Variants in TCF20 observed in about 807,000 individuals in gnomAD.
TCF20 encodes SPRE-binding protein.
Under a neutral mutation model 148.6 loss-of-function variants are expected in TCF20, and 3 were observed. The observed-to-expected ratio is 0.02, with a 90% CI of 0.01 to 0.05. The LOEUF (loss-of-function observed/expected upper bound fraction) is 0.05. Ranked by LOEUF, TCF20 falls within the 10% of genes least tolerant of loss-of-function variation. TCF20 has a pLI of 1.00. For missense variants in TCF20, 2,350 were observed against 2,429.3 expected (o/e 0.97, Z 0.69); for synonymous variants, 1,049 against 909.5 (o/e 1.15, Z -2.76).
intron 1 of TCF20, among the ~76,000 whole-genome samples, chr22:42,320,462 C>A (rs73433564): frequency 6.6e-6 from 1 of 152,164 alleles, no homozygotes; most frequent in African/African-American, 2.4e-5. Context: ...CTCAATGTGC[C>A]CTTCCTCCAC....
intron 3 of TCF20, among the ~76,000 whole-genome samples, chr22:42,173,821 T>A (rs1295439238): frequency 6.6e-6 from 1 of 152,084 alleles, no homozygotes; most frequent in Non-Finnish European, 1.5e-5. Context: ...AGGAGCAAAG[T>A]GCACAGCAGC....
At chr22:42,300,638 G>A (rs1185121408) in intron 1 of TCF20, among the ~76,000 whole-genome samples, 1 of 152,146 alleles carries the variant, frequency 6.6e-6, no homozygotes, top group Non-Finnish European at 1.5e-5. Flanking sequence ...CAGCCCAAGG[G>A]GCAGGGCTGT....
chr22:42,262,311 G>C (rs1255328053), intron 1 of TCF20, among the ~76,000 whole-genome samples: 1 of 152,164 alleles, frequency 6.6e-6, no homozygotes, highest in African/African-American at 2.4e-5. Flanking sequence ...ACAGATGAAA[G>C]AAGTTATCAT....
intron 2 of TCF20, among the ~76,000 whole-genome samples, chr22:42,191,741 C>T (rs957829309): frequency 6.6e-6 from 1 of 152,120 alleles, no homozygotes; most frequent in African/African-American, 2.4e-5. Flanking sequence ...GGAGCTTGTG[C>T]CCTTTAAGAA....
At chr22:42,265,340 G>A (rs1926228075) in intron 1 of TCF20, among the ~76,000 whole-genome samples, 1 of 152,084 alleles carries the variant, frequency 6.6e-6, no homozygotes, top group Non-Finnish European at 1.5e-5. Context: ...ACAGGATCTT[G>A]CTCTGTCTCC....
At chr22:42,186,002 G>GA (rs1937027559) in intron 2 of TCF20, among the ~76,000 whole-genome samples, 1 of 152,308 alleles carries the variant, frequency 6.6e-6, no homozygotes, top group Non-Finnish European at 1.5e-5. Context: ...CATGGATTTA[G>GA]AATCTGCACT....
At chr22:42,231,346 C>T (rs548851472) in intron 1 of TCF20, among the ~76,000 whole-genome samples, 2 of 151,938 alleles carry the variant, frequency 1.3e-5, no homozygotes, top group African/African-American at 2.4e-5. Context: ...TAGCCAAGCA[C>T]GGTGGTATGC....
intron 1 of TCF20, among the ~76,000 whole-genome samples, chr22:42,264,154 C>A (rs1276705224): frequency 2.0e-5 from 3 of 151,742 alleles, no homozygotes; most frequent in African/African-American, 7.3e-5. Context: ...CTTGCCAGAG[C>A]CTCTGCTTAG....
At chr22:42,225,305 TA>T (rs1295415574) in intron 1 of TCF20, among the ~76,000 whole-genome samples, 1 of 151,994 alleles carries the variant, frequency 6.6e-6, no homozygotes, top group East Asian at 2.0e-4. Context: ...AAAATGTCAT[TA>T]ACCTCATTTA....
intron 1 of TCF20, among the ~76,000 whole-genome samples, chr22:42,325,977 C>T (rs1448918416): frequency 6.6e-6 from 1 of 152,150 alleles, no homozygotes; most frequent in Non-Finnish European, 1.5e-5. Context: ...ATCTGTCTTG[C>T]TCTGGTTGTT....
At chr22:42,226,198 G>C (rs1483617222) in intron 1 of TCF20, among the ~76,000 whole-genome samples, 2 of 152,184 alleles carry the variant, frequency 1.3e-5, no homozygotes, top group African/African-American at 4.8e-5. Flanking sequence ...GCAGGAGAAG[G>C]GTGGGAGCAG....
intron 2 of TCF20, among the ~76,000 whole-genome samples, chr22:42,193,378 T>TATGA (rs1289028698): frequency 6.6e-6 from 1 of 150,882 alleles, no homozygotes; most frequent in African/African-American, 2.4e-5. Context: ...ATTGTGCCAC[T>TATGA]GTACTCATAG....
At chr22:42,282,383 C>T (rs1926920372) in intron 1 of TCF20, among the ~76,000 whole-genome samples, 1 of 152,238 alleles carries the variant, frequency 6.6e-6, no homozygotes, top group African/African-American at 2.4e-5. Flanking sequence ...CGCTTCCTGG[C>T]CCAGGGCAGG....
intron 1 of TCF20, among the ~76,000 whole-genome samples, chr22:42,289,379 G>A (rs1443461682): frequency 6.6e-6 from 1 of 152,140 alleles, no homozygotes; most frequent in African/African-American, 2.4e-5. Flanking sequence ...AGAGGAACTG[G>A]TGGCTGCTGA....
chr22:42,284,509 A>G (rs1926987242), upstream of TCF20, among the ~76,000 whole-genome samples: 1 of 152,222 alleles, frequency 6.6e-6, no homozygotes, highest in African/African-American at 2.4e-5. Flanking sequence ...CTGAGGCTGC[A>G]GAGCAGGAAG....
chr22:42,297,705 A>G lies in TCF20; in HGVS notation c.-37+45774T>C, dbSNP rs1197694857. 2.0e-5 allele frequency among the ~76,000 whole-genome samples: 3 copies of G among 152,134 alleles called. No individual in the cohort carries two copies. Among genetic ancestry groups the G allele is most frequent in the African/African-American group, 7.2e-5 (3 of 41,434 alleles). ...GCCAGAGAGAATCTTGAGCCACACA[A>G]TTCAGACAAATGTGTGTGGACTCCC... On this transcript the variant is annotated intron_variant, in intron 1 of 1. Coordinates refer to the TCF20 transcript ENST00000515426. The surrounding 1 kb of genome is among the most constrained non-coding windows in gnomAD (Gnocchi z 4.3).
At chr22:42,165,119 G>A (rs1365410120) in intron 5 of TCF20, among the ~76,000 whole-genome samples, 1 of 152,250 alleles carries the variant, frequency 6.6e-6, no homozygotes, top group East Asian at 1.9e-4. Flanking sequence ...GGCTGGTGGG[G>A]AAGGAAAGTG....
chr22:42,285,876 T>C (rs1384445494), upstream of TCF20, among the ~76,000 whole-genome samples: 1 of 152,164 alleles, frequency 6.6e-6, no homozygotes, highest in Non-Finnish European at 1.5e-5. This position sits in a 1 kb window ranked among gnomAD's most constrained non-coding sequence, Gnocchi z 4.2. Context: ...GGGTCTCGAC[T>C]TAGACCTCAC....
At chr22:42,264,349 C>G (rs978680378) in intron 1 of TCF20, among the ~76,000 whole-genome samples, 1 of 152,088 alleles carries the variant, frequency 6.6e-6, no homozygotes, top group African/African-American at 2.4e-5. Context: ...TAACACTCAC[C>G]AATATTACAA....
Sources: allele counts gnomAD v4.1 joint callset (sites outside exome capture counted in the v4.1 genomes callset), GRCh38; gene constraint gnomAD v4.1.1; non-coding constraint Gnocchi (gnomAD v3.1); transcripts MANE v1.5; gene names NCBI Gene and HGNC (gene_info 2026-07-23, HGNC 2026-07-21).